The following WBP2NL variants were observed in gnomAD, a reference collection of about 807,000 sequenced individuals.
WBP2NL encodes the protein postacrosomal sheath WW domain-binding protein.
In WBP2NL, 27 loss-of-function variants were observed where a neutral mutation model predicts 23.3. That is an observed-to-expected ratio of 1.16 (90% CI 0.85 to 1.60). WBP2NL has a LOEUF of 1.60. Ranked by LOEUF, WBP2NL falls within the 40% of genes most tolerant of loss-of-function variation. The pLI, the probability that WBP2NL is intolerant of heterozygous loss-of-function variation, is 0.00. For synonymous variants in WBP2NL, 151 were observed against 145.9 expected (o/e 1.03, Z -0.25); for missense variants, 370 against 389.5 (o/e 0.95, Z 0.42).
chr22:42,048,279 G>A (rs1000227933), intron 8 of WBP2NL, among the ~76,000 whole-genome samples: 4 of 145,512 alleles, frequency 2.7e-5, no homozygotes, highest in African/African-American at 5.6e-5. Flanking sequence ...AATTAGCCGG[G>A]CGTGGTGGTG....
At chr22:42,036,357 G>T (rs1046434590), downstream of WBP2NL, among the ~76,000 whole-genome samples, 2 of 152,066 alleles carry the variant, frequency 1.3e-5, no homozygotes, top group African/African-American at 2.4e-5. Context: ...TTTACTTTTA[G>T]TAGAGATGGG....
intron 5 of WBP2NL, 21 bp downstream of exon 5, chr22:42,022,377 T>G (rs1217128513): frequency 5.7e-6 from 9 of 1,585,800 alleles, no homozygotes; most frequent in Non-Finnish European, 7.7e-6. Flanking sequence ...GCAGAGAGGT[T>G]CTTCCTGGAA....
At chr22:42,015,970 T>C (rs935068840) in intron 1 of WBP2NL, among the ~76,000 whole-genome samples, 4 of 152,058 alleles carry the variant, frequency 2.6e-5, no homozygotes, top group African/African-American at 9.7e-5. Flanking sequence ...CAGCAACTAA[T>C]ACATTGGCTT....
At chr22:42,029,242 T>C (rs1924762709), downstream of WBP2NL, among the ~76,000 whole-genome samples, 1 of 147,374 alleles carries the variant, frequency 6.8e-6, no homozygotes, top group African/African-American at 2.5e-5. Context: ...GGAGAATCAC[T>C]TGAGGCCAGT....
At chr22:42,028,880 C>T (rs547173624), downstream of WBP2NL, among the ~76,000 whole-genome samples, 3 of 152,322 alleles carry the variant, frequency 2.0e-5, no homozygotes, top group Admixed American at 6.5e-5. Context: ...CTGCCCTGTA[C>T]GTTTCAGGAT....
At chr22:42,050,638 A>G (rs1925804290) in intron 8 of WBP2NL, among the ~76,000 whole-genome samples, 3 of 149,618 alleles carry the variant, frequency 2.0e-5, no homozygotes, top group African/African-American at 7.3e-5. Context: ...ACAGAGTGAG[A>G]CTCCATTCCC....
rs1164060331 is a variant in WBP2NL at position 42,005,676 on chromosome 22, T to C, written c.62+6796T>C. ...AGTACACATATCATTTGGTTCAGTT[T>C]ACAGAATTAAAGTTGAGCAAACTTT... On this transcript the variant is annotated intron_variant, in intron 1 of 5. Transcript: ENST00000328823. 3.3e-5 allele frequency among the ~76,000 whole-genome samples: 5 copies of C among 152,226 alleles called. No homozygotes were observed. The East Asian group carries it at 9.6e-4, about 29-fold the overall frequency.
At chr22:42,030,612 T>C (rs1445004074), downstream of WBP2NL, 1 of 152,242 alleles carries the variant, frequency 6.6e-6, no homozygotes, top group Non-Finnish European at 1.5e-5. Flanking sequence ...CCAGGCAATA[T>C]TGGATCTTAA....
At chr22:42,053,368 T>C (rs1925904274) in intron 8 of WBP2NL, among the ~76,000 whole-genome samples, 1 of 152,210 alleles carries the variant, frequency 6.6e-6, no homozygotes, top group Non-Finnish European at 1.5e-5. Context: ...ATGGTAACTC[T>C]GTTTAACATT....
intron 5 of WBP2NL, among the ~76,000 whole-genome samples, chr22:42,022,570 T>C (rs1407873151): frequency 1.3e-5 from 2 of 152,194 alleles, no homozygotes; most frequent in African/African-American, 2.4e-5. Flanking sequence ...TTTAATGATA[T>C]ATACAAACCT....
At chr22:42,024,068 C>T (rs111969940) in intron 5 of WBP2NL, among the ~76,000 whole-genome samples, 7 of 152,314 alleles carry the variant, frequency 4.6e-5, no homozygotes, top group African/African-American at 1.7e-4. Context: ...GTGAATATAT[C>T]ACATAAAAGA....
At chr22:42,046,252 C>CAGCA (rs1188852891) in intron 8 of WBP2NL, among the ~76,000 whole-genome samples, 1 of 152,180 alleles carries the variant, frequency 6.6e-6, no homozygotes, top group Non-Finnish European at 1.5e-5. Context: ...AAGGTTGGAA[C>CAGCA]AGCAGCACTA....
chr22:42,045,057 C>T (rs569746026), intron 8 of WBP2NL, among the ~76,000 whole-genome samples: 116 of 152,174 alleles, frequency 7.6e-4, no homozygotes, highest in African/African-American at 2.6e-3. Flanking sequence ...TCTTGAACTC[C>T]TGGCCTTAAT....
chr22:42,024,392 A>T (rs1361514606), intron 5 of WBP2NL, among the ~76,000 whole-genome samples: 1 of 152,126 alleles, frequency 6.6e-6, no homozygotes, highest in South Asian at 2.1e-4. Context: ...TAAATTCTCT[A>T]ACTTTTTGAG....
chr22:42,011,576 A>C (rs1232332732), intron 1 of WBP2NL, among the ~76,000 whole-genome samples: 4 of 151,816 alleles, frequency 2.6e-5, no homozygotes, highest in African/African-American at 4.8e-5. Flanking sequence ...TTACTGATTC[A>C]ATTTCCTTAC....
downstream of WBP2NL, among the ~76,000 whole-genome samples, chr22:42,029,127 G>A (rs561360381): frequency 1.4e-4 from 21 of 152,124 alleles, 1 homozygote; most frequent in South Asian, 4.4e-3. Context: ...CTTATTGTAG[G>A]CTCATCAAGC....
intron 8 of WBP2NL, among the ~76,000 whole-genome samples, chr22:42,038,611 T>G (rs1925277893): frequency 1.3e-5 from 2 of 152,314 alleles, no homozygotes; most frequent in South Asian, 4.1e-4. Context: ...GTTGGATTTT[T>G]TTTTTGTTTG....
intron 8 of WBP2NL, among the ~76,000 whole-genome samples, chr22:42,047,160 G>T (rs1363312728): frequency 4.0e-5 from 6 of 149,688 alleles, no homozygotes; most frequent in Non-Finnish European, 1.5e-5. Context: ...GTATCTGATG[G>T]ATATATAAAT....
chr22:42,037,460 T>A (rs1925227593), downstream of WBP2NL, among the ~76,000 whole-genome samples: 1 of 86,148 alleles, frequency 1.2e-5, no homozygotes, highest in African/African-American at 8.4e-5. Flanking sequence ...AATTTTAGGA[T>A]TTTTTTTTTC....
Sources: gnomAD v4.1 joint callset for allele counts (sites outside exome capture counted in the v4.1 genomes callset) on GRCh38, gnomAD v4.1.1 for gene constraint, MANE v1.5 for transcripts, NCBI Gene and HGNC (gene_info 2026-07-23, HGNC 2026-07-21) for gene names.